The following DIAPH2 variants were observed in gnomAD, a reference collection of about 807,000 sequenced individuals.
The protein encoded by DIAPH2 is protein diaphanous homolog 2.
Under a neutral mutation model 92.7 loss-of-function variants are expected in DIAPH2, and 35 were observed. The observed-to-expected ratio is 0.38, with a 90% CI of 0.29 to 0.50. The LOEUF is 0.50. Among genes scored for constraint, DIAPH2 ranks in the 20% least tolerant of loss-of-function variants. DIAPH2 has a pLI of 0.94. For synonymous variants in DIAPH2, 301 were observed against 280.4 expected (o/e 1.07, Z -0.73); for missense variants, 701 against 819.5 (o/e 0.86, Z 1.77).
chrX:96,798,143 C>T (rs1249595632), intron 4 of DIAPH2, among the ~76,000 whole-genome samples: 2 of 112,180 alleles, frequency 1.8e-5, no homozygotes, highest in Non-Finnish European at 3.8e-5. Flanking sequence ...TTCTTAAATT[C>T]GTTGGTTAGT....
chrX:96,951,250 C>T (rs749724118), intron 15 of DIAPH2, among the ~76,000 whole-genome samples: 2 of 111,732 alleles, frequency 1.8e-5, no homozygotes, highest in East Asian at 5.6e-4. Flanking sequence ...CCCTCCTTTG[C>T]TCATCTGTGT....
chrX:97,298,907 C>T (rs1034847614), intron 23 of DIAPH2, among the ~76,000 whole-genome samples: 2 of 111,768 alleles, frequency 1.8e-5, no homozygotes, highest in African/African-American at 3.2e-5. Flanking sequence ...CGTGAGCCAC[C>T]GTGCCCAGCC....
At chrX:97,594,359 T>A (rs1226830279) in intron 26 of DIAPH2, among the ~76,000 whole-genome samples, 3 of 112,032 alleles carry the variant, frequency 2.7e-5, no homozygotes, top group Non-Finnish European at 5.6e-5. Context: ...TATTTCCAAG[T>A]CAGGATTTCT....
At chrX:97,558,502 G>A (rs931856217) in intron 26 of DIAPH2, among the ~76,000 whole-genome samples, 7 of 111,147 alleles carry the variant, frequency 6.3e-5, no homozygotes, top group African/African-American at 2.3e-4. Flanking sequence ...AGATGAGGCT[G>A]GGGGGTTGGC....
intron 4 of DIAPH2, among the ~76,000 whole-genome samples, chrX:96,816,954 A>C (rs2064740480): frequency 8.9e-6 from 1 of 111,950 alleles, no homozygotes; most frequent in Non-Finnish European, 1.9e-5. Context: ...ACATTATGTT[A>C]AGTGAAATAA....
chrX:97,444,972 A>G (rs1216021861), intron 26 of DIAPH2, among the ~76,000 whole-genome samples: 1 of 111,587 alleles, frequency 9.0e-6, no homozygotes, highest in Non-Finnish European at 1.9e-5. Flanking sequence ...TAAATTAGTG[A>G]GTAATTATTA....
At position 96,939,476 on chromosome X, in the gene DIAPH2, ATG is replaced by A. The variant is rs374194181; in HGVS notation, c.1325+102_1325+103del. 6 of 172,556 alleles carry A rather than the reference ATG, an allele frequency of 3.5e-5. No homozygotes were observed. In the South Asian group the frequency reaches 4.7e-4, roughly 14 times the overall value. 14.2% of individuals were successfully genotyped at this position (172,556 alleles called of 1,213,427 possible). A position where few individuals can be genotyped will look rare whatever the true frequency, so the allele number is the denominator to read the frequency against. ...AGTGGGGCCTAAGCAATATATGCATATGTGTGTGTATGTATATATATATGTAT... is the reference window on the plus strand; with the variant it reads ...AGTGGGGCCTAAGCAATATATGCATATGTGTGTATGTATATATATATGTAT... On this transcript the variant is annotated intron_variant, in intron 12 of 26. Transcript: ENST00000324765.
Position 97,167,057 on chromosome X carries a change from G to A in DIAPH2, c.2719+25263G>A, listed in dbSNP as rs142267510. On this transcript the variant is annotated intron_variant, in intron 22 of 26. Transcript: ENST00000324765. ...CTGAATCCAATTCCTCTGCCACATA[G>A]CGTTTCATTGGATGACTATACCACA... Among the ~76,000 whole-genome samples the A allele has an allele frequency of 6.3e-5, 7 of 111,585 alleles. No homozygotes were observed. The East Asian group carries it at 2.0e-3, about 31-fold the overall frequency.
At chrX:97,074,191 G>A (rs2066688764) in intron 18 of DIAPH2, among the ~76,000 whole-genome samples, 1 of 111,780 alleles carries the variant, frequency 8.9e-6, no homozygotes, top group African/African-American at 3.3e-5. Flanking sequence ...TGGATCACCT[G>A]AGGTCAGGAA....
At chrX:97,515,353 CTCGCCCTGCT>C (rs932720162) in intron 26 of DIAPH2, among the ~76,000 whole-genome samples, 4 of 112,766 alleles carry the variant, frequency 3.5e-5, no homozygotes, top group African/African-American at 1.3e-4. Flanking sequence ...GAGGCAATGC[CTCGCCCTGCT>C]TCGGCTTGCG....
intron 25 of DIAPH2, among the ~76,000 whole-genome samples, chrX:97,428,453 C>T (rs1391936748): frequency 1.9e-5 from 2 of 107,374 alleles, no homozygotes; most frequent in East Asian, 5.8e-4. Flanking sequence ...CGCTTGAACC[C>T]CGGAGGCAGA....
At chrX:97,027,049 A>G (rs746391465) in intron 17 of DIAPH2, among the ~76,000 whole-genome samples, 54 of 112,368 alleles carry the variant, frequency 4.8e-4, no homozygotes, top group African/African-American at 1.7e-3. Context: ...CCCAAAATGA[A>G]TATGAAAACC....
At chrX:97,240,795 ATATT>A (rs957482918) in intron 22 of DIAPH2, among the ~76,000 whole-genome samples, 1 of 111,063 alleles carries the variant, frequency 9.0e-6, no homozygotes, top group African/African-American at 3.3e-5. Context: ...TATAAAATGA[ATATT>A]TATGTACTAG....
At chrX:97,148,123 G>A (rs1485962570) in intron 22 of DIAPH2, among the ~76,000 whole-genome samples, 1 of 111,413 alleles carries the variant, frequency 9.0e-6, no homozygotes, top group African/African-American at 3.3e-5. Context: ...TTATTTTATA[G>A]TTGAAGAAAC....
chrX:96,884,772 C>T (rs367690619), intron 5 of DIAPH2: 1 of 1,207,306 alleles, frequency 8.3e-7, no homozygotes, highest in African/African-American at 1.8e-5. Context: ...TGAACGAGTT[C>T]ACCGTGCATA....
chrX:97,099,835 G>A (rs766478524), intron 20 of DIAPH2, 40 bp downstream of exon 20: 10 of 786,403 alleles, frequency 1.3e-5, no homozygotes, highest in Non-Finnish European at 5.3e-6. Context: ...TCAGCTGGGA[G>A]GTTAACACTT....
At chrX:97,239,840 CTCTCTCTCTCTCTCTCTCTT>C (rs1314969914) in intron 22 of DIAPH2, among the ~76,000 whole-genome samples, 1 of 107,772 alleles carries the variant, frequency 9.3e-6, no homozygotes, top group Non-Finnish European at 1.9e-5. Flanking sequence ...AAAAATCTCT[CTCTCTCTCTCTCTCTCTCTT>C]TCTCTCTCTC....
intron 24 of DIAPH2, among the ~76,000 whole-genome samples, chrX:97,363,159 G>C (rs773281614): frequency 8.9e-6 from 1 of 112,099 alleles, no homozygotes; most frequent in African/African-American, 3.2e-5. Flanking sequence ...TATACAAATA[G>C]AGAACTTTAC....
chrX:97,124,342 A>G (rs1355868223), intron 21 of DIAPH2, among the ~76,000 whole-genome samples: 1 of 112,400 alleles, frequency 8.9e-6, no homozygotes, highest in African/African-American at 3.2e-5. Context: ...CCGTGAGCTT[A>G]TTTAAAGATC....
Sources: allele counts gnomAD v4.1 joint callset (sites outside exome capture counted in the v4.1 genomes callset), GRCh38; gene constraint gnomAD v4.1.1; transcripts MANE v1.5; gene names NCBI Gene and HGNC (gene_info 2026-07-23, HGNC 2026-07-21).